Variants in MSRA observed in about 807,000 individuals in gnomAD.
MSRA encodes the protein methionine sulfoxide reductase A, also known as mitochondrial peptide methionine sulfoxide reductase.
Under a neutral mutation model 31.3 loss-of-function variants are expected in MSRA, and 54 were observed. The observed-to-expected ratio is 1.73, with a 90% CI of 1.39 to 2.17. The LOEUF (loss-of-function observed/expected upper bound fraction) is 2.17, where lower values mean the gene tolerates loss of function less well. MSRA is among the 30% of genes most tolerant of loss of function. The pLI is 0.00. For missense variants in MSRA, 507 were observed against 300.9 expected (o/e 1.69, Z -5.07); for synonymous variants, 169 against 116.5 (o/e 1.45, Z -2.90).
intron 1 of MSRA, among the ~76,000 whole-genome samples, chr8:10,165,839 C>A (rs140558168): frequency 6.6e-6 from 1 of 152,246 alleles, no homozygotes; most frequent in African/African-American, 2.4e-5. Flanking sequence ...TGTCAAACAC[C>A]ATTCTCAGTT....
intron 5 of MSRA, among the ~76,000 whole-genome samples, chr8:10,341,291 G>A (rs1803411528): frequency 6.6e-6 from 1 of 152,196 alleles, no homozygotes; most frequent in South Asian, 2.1e-4. Context: ...TTCTGATCAT[G>A]GAGGAAGGTG....
chr8:10,092,880 A>G (rs577438904), intron 1 of MSRA, among the ~76,000 whole-genome samples: 2 of 152,202 alleles, frequency 1.3e-5, no homozygotes, highest in East Asian at 1.9e-4. Flanking sequence ...GTTCTTATGT[A>G]TGTTTATATT....
intron 5 of MSRA, among the ~76,000 whole-genome samples, chr8:10,331,406 T>C (rs1337077642): frequency 6.6e-6 from 1 of 152,222 alleles, no homozygotes; most frequent in Non-Finnish European, 1.5e-5. Flanking sequence ...AGTGGAATGT[T>C]GTACGGCTTT....
At chr8:10,121,824 C>T (rs934181077) in intron 1 of MSRA, among the ~76,000 whole-genome samples, 1 of 147,362 alleles carries the variant, frequency 6.8e-6, no homozygotes, top group African/African-American at 2.5e-5. Context: ...GTGCACACCA[C>T]CATACGCAAC....
chr8:10,425,745 C>T (rs1418536983), intron 5 of MSRA, among the ~76,000 whole-genome samples: 3 of 152,236 alleles, frequency 2.0e-5, no homozygotes, highest in Non-Finnish European at 2.9e-5. Flanking sequence ...GACGATCACA[C>T]CTGTGGGCAA....
At chr8:10,403,392 A>G (rs1289092283) in intron 5 of MSRA, among the ~76,000 whole-genome samples, 1 of 152,150 alleles carries the variant, frequency 6.6e-6, no homozygotes, top group Non-Finnish European at 1.5e-5. Context: ...TGCTCATGCC[A>G]TACTTGCTGG....
At chr8:10,206,190 G>C (rs1360290500) in intron 1 of MSRA, among the ~76,000 whole-genome samples, 2 of 152,132 alleles carry the variant, frequency 1.3e-5, no homozygotes, top group Non-Finnish European at 2.9e-5. Context: ...GCAGATCTTT[G>C]ATCTCCACAC....
chr8:10,194,373 C>T (rs952368570), intron 1 of MSRA, among the ~76,000 whole-genome samples: 1 of 152,110 alleles, frequency 6.6e-6, no homozygotes, highest in Admixed American at 6.5e-5. Context: ...TTGAGGCCAG[C>T]CTGTTCAACA....
intron 1 of MSRA, among the ~76,000 whole-genome samples, chr8:10,177,035 C>G (rs1270158731): frequency 6.6e-6 from 1 of 152,168 alleles, no homozygotes; most frequent in African/African-American, 2.4e-5. Context: ...CAATAGAGAC[C>G]TTAGAATGAG....
chr8:10,159,773 G>A (rs1195954587), intron 1 of MSRA, among the ~76,000 whole-genome samples: 1 of 152,116 alleles, frequency 6.6e-6, no homozygotes, highest in Admixed American at 6.5e-5. Flanking sequence ...AGATTTAAAT[G>A]GTGGGTGGAC....
chr8:10,253,383 A>C (rs144069422), intron 3 of MSRA, among the ~76,000 whole-genome samples: 1 of 152,338 alleles, frequency 6.6e-6, no homozygotes, highest in East Asian at 1.9e-4. Context: ...TGAACAGCTT[A>C]AATCACTGCT....
At chr8:10,194,883 C>T (rs896447168) in intron 1 of MSRA, among the ~76,000 whole-genome samples, 1 of 152,200 alleles carries the variant, frequency 6.6e-6, no homozygotes, top group East Asian at 1.9e-4. Flanking sequence ...GGAGCAAAGA[C>T]TGGAGATGTT....
At chr8:10,236,782 G>A (rs780900221) in intron 2 of MSRA, among the ~76,000 whole-genome samples, 44 of 152,272 alleles carry the variant, frequency 2.9e-4, no homozygotes, top group Admixed American at 3.9e-4. Context: ...CTGACATCAG[G>A]TGATCTGGCT....
chr8:10,298,694 A>G (rs1009807107), intron 3 of MSRA, among the ~76,000 whole-genome samples: 22 of 152,224 alleles, frequency 1.4e-4, no homozygotes, highest in Admixed American at 3.3e-4. Flanking sequence ...TGTTCACTAA[A>G]TCATAAAGTA....
At chr8:10,405,878 ATTCACACATG>A (rs1183263030) in intron 5 of MSRA, among the ~76,000 whole-genome samples, 1 of 152,244 alleles carries the variant, frequency 6.6e-6, no homozygotes, top group African/African-American at 2.4e-5. Context: ...CATACACAAT[ATTCACACATG>A]TTCACATACA....
intron 5 of MSRA, among the ~76,000 whole-genome samples, chr8:10,322,397 T>G (rs1200383222): frequency 6.6e-6 from 1 of 152,062 alleles, no homozygotes; most frequent in Non-Finnish European, 1.5e-5. Context: ...GAGGGATATT[T>G]AGGAAGTACA....
At chr8:10,166,834 G>C (rs1162928108) in intron 1 of MSRA, among the ~76,000 whole-genome samples, 1 of 152,164 alleles carries the variant, frequency 6.6e-6, no homozygotes, top group Admixed American at 6.5e-5. Flanking sequence ...ACTTACCCCA[G>C]AATTGCAACC....
intron 1 of MSRA, among the ~76,000 whole-genome samples, chr8:10,170,712 G>C (rs1327695574): frequency 1.3e-5 from 2 of 152,162 alleles, no homozygotes; most frequent in African/African-American, 4.8e-5. Context: ...TTATGTCAGG[G>C]ACTTGGGCAT....
intron 1 of MSRA, among the ~76,000 whole-genome samples, chr8:10,088,256 T>C (rs1456646698): frequency 6.6e-6 from 1 of 152,186 alleles, no homozygotes; most frequent in African/African-American, 2.4e-5. Flanking sequence ...GGTATAGCCA[T>C]TATGGAAAAC....
Sources: allele counts gnomAD v4.1 joint callset (sites outside exome capture counted in the v4.1 genomes callset), GRCh38; gene constraint gnomAD v4.1.1; transcripts MANE v1.5; gene names NCBI Gene and HGNC (gene_info 2026-07-23, HGNC 2026-07-21).